The following KIAA1217 variants were observed in gnomAD, a reference collection of about 807,000 sequenced individuals.
KIAA1217 encodes KIAA1217.
In KIAA1217, 88 loss-of-function variants were observed where a neutral mutation model predicts 163.9. That is an observed-to-expected ratio of 0.54 (90% confidence interval 0.45 to 0.64). KIAA1217 has a LOEUF of 0.64. KIAA1217 is among the 30% of genes least tolerant of loss of function. KIAA1217 has a pLI of 0.00. For synonymous variants in KIAA1217, 903 were observed against 923.1 expected (o/e 0.98, Z 0.39); for missense variants, 2,372 against 2,475.0 (o/e 0.96, Z 0.88).
At position 23,824,651 on chromosome 10, in the gene KIAA1217, TAAAAA is replaced by T. The variant is rs1202271522; in HGVS notation, c.-321+129421_-321+129425del. On this transcript the variant is annotated intron_variant, in intron 1 of 18. Transcript: ENST00000376462. Reference sequence around the variant, plus strand: ...CTCAAGAAAAAAAAAAAAAAAAAAATAAAAAAAATATATATATATATATATATATA... The same window carrying T: ...CTCAAGAAAAAAAAAAAAAAAAAAATAAATATATATATATATATATATATA... Among the ~76,000 whole-genome samples, 333 of 72,250 alleles carry T rather than the reference TAAAAA, an allele frequency of 4.6e-3. 1 individual carries two copies. The highest frequency in any genetic ancestry group is 9.8e-3 in the African/African-American group (178 of 18,240). The allele number at this position is 72,250 out of a possible 152,430, so 47.4% of individuals were successfully genotyped here.
chr10:24,246,897 C>T (rs573565881), intron 2 of KIAA1217, among the ~76,000 whole-genome samples: 1 of 152,054 alleles, frequency 6.6e-6, no homozygotes, highest in African/African-American at 2.4e-5. Context: ...ATCTGCAATT[C>T]CAGCTACTTA....
At position 23,824,659 on chromosome 10, in the gene KIAA1217, AT is replaced by A. The variant is rs202079811; in HGVS notation, c.-321+129426del. ...AAAAAAAAAAAAAAAAATAAAAAAA[AT>A]ATATATATATATATATATATATGTA... On this transcript the variant is annotated intron_variant, in intron 1 of 18. Transcript: ENST00000376462. 8.9e-3 allele frequency among the ~76,000 whole-genome samples: 602 copies of A among 67,384 alleles called. 6 individuals are homozygous for A. Among genetic ancestry groups the A allele is most frequent in the East Asian group, 0.015 (47 of 3,176 alleles). The allele number at this position is 67,384 out of a possible 152,430, so 44.2% of individuals were successfully genotyped here. A position where few individuals can be genotyped will look rare whatever the true frequency, so the allele number is the denominator to read the frequency against.
intron 1 of KIAA1217, among the ~76,000 whole-genome samples, chr10:23,861,033 C>T (rs1839927871): frequency 6.6e-6 from 1 of 151,990 alleles, no homozygotes; most frequent in Non-Finnish European, 1.5e-5. Context: ...CCACCTAAGC[C>T]TCCTGAGTAA....
intron 2 of KIAA1217, among the ~76,000 whole-genome samples, chr10:24,088,730 A>G (rs1410228119): frequency 8.1e-6 from 1 of 123,806 alleles, no homozygotes; most frequent in African/African-American, 2.5e-5. Flanking sequence ...AGTCTTTGCT[A>G]TTGTGAATAG....
Position 24,511,172 on chromosome 10 carries a change from A to AAAAAAAAAAAAAAAAG in KIAA1217, c.2002-2086_2002-2085insAAAAAAAAAAAAAAGA, listed in dbSNP as rs1554918365. ...TGTCTCAAAAAAAAAAAAAAAAAAA[A>AAAAAAAAAAAAAAAAG]AGGAGCCTGGCCCCTATGAAGAACT... On this transcript the variant is annotated intron_variant, in intron 9 of 20. Transcript: ENST00000376454. Among the ~76,000 whole-genome samples the AAAAAAAAAAAAAAAAG allele has an allele frequency of 4.5e-4, 52 of 115,678 alleles. 7 individuals carry two copies. The highest frequency in any genetic ancestry group is 1.8e-3 in the African/African-American group (49 of 27,120). 75.9% of individuals were successfully genotyped at this position (115,678 alleles called of 152,430 possible).
At chr10:24,475,227 A>G (rs1355714125) in intron 6 of KIAA1217, among the ~76,000 whole-genome samples, 2 of 152,186 alleles carry the variant, frequency 1.3e-5, no homozygotes, top group Non-Finnish European at 2.9e-5. Flanking sequence ...CTCAAAAGAA[A>G]AAAGAAAAAT....
chr10:23,807,416 T>G (rs961701166), intron 1 of KIAA1217, among the ~76,000 whole-genome samples: 17 of 152,258 alleles, frequency 1.1e-4, no homozygotes, highest in African/African-American at 3.9e-4. Flanking sequence ...GGTTGTGATG[T>G]TACACAGAAT....
At chr10:24,179,627 C>T in intron 2 of KIAA1217, among the ~76,000 whole-genome samples, 1 of 152,078 alleles carries the variant, frequency 6.6e-6, no homozygotes, top group East Asian at 1.9e-4. Flanking sequence ...CTCACTCTGT[C>T]ACCCAGGCTG....
At chr10:24,326,279 C>T (rs941556528) in intron 2 of KIAA1217, among the ~76,000 whole-genome samples, 1 of 151,944 alleles carries the variant, frequency 6.6e-6, no homozygotes, top group Non-Finnish European at 1.5e-5. Context: ...TTATTTCATG[C>T]AAGATGTTGA....
chr10:24,245,731 A>G (rs2073716675), intron 2 of KIAA1217, among the ~76,000 whole-genome samples: 1 of 151,942 alleles, frequency 6.6e-6, no homozygotes, highest in South Asian at 2.1e-4. Context: ...TCCCGGGCTC[A>G]AGCAATCCTC....
intron 2 of KIAA1217, among the ~76,000 whole-genome samples, chr10:24,230,225 T>C (rs1396629990): frequency 6.6e-6 from 1 of 152,208 alleles, no homozygotes; most frequent in Non-Finnish European, 1.5e-5. Flanking sequence ...GAGTATCCTT[T>C]ATCTGAAATG....
chr10:24,214,967 C>T (rs1356899896), intron 1 of KIAA1217, among the ~76,000 whole-genome samples: 1 of 152,236 alleles, frequency 6.6e-6, no homozygotes, highest in Non-Finnish European at 1.5e-5. Context: ...GGCAAAGAAG[C>T]TGGCCTTGGC....
intron 1 of KIAA1217, among the ~76,000 whole-genome samples, chr10:23,868,303 G>C (rs918418942): frequency 2.0e-5 from 3 of 152,034 alleles, no homozygotes; most frequent in Admixed American, 6.6e-5. Flanking sequence ...GCCAGGCCTG[G>C]CATGAAGGAT....
chr10:24,275,524 A>C (rs1009411406), intron 2 of KIAA1217, among the ~76,000 whole-genome samples: 1 of 152,230 alleles, frequency 6.6e-6, no homozygotes, highest in African/African-American at 2.4e-5. Flanking sequence ...TGATGACTGC[A>C]AACATTTGGG....
chr10:24,386,988 T>G (rs1781517238), intron 3 of KIAA1217, among the ~76,000 whole-genome samples: 1 of 152,362 alleles, frequency 6.6e-6, no homozygotes, highest in Non-Finnish European at 1.5e-5. Context: ...TGAAAAGTAA[T>G]ACTGTAAAAA....
intron 2 of KIAA1217, among the ~76,000 whole-genome samples, chr10:24,302,760 T>C (rs2041524676): frequency 6.6e-6 from 1 of 152,072 alleles, no homozygotes; most frequent in Admixed American, 6.6e-5. Flanking sequence ...GAAAGGACAC[T>C]TTGAGCAGAC....
intron 1 of KIAA1217, among the ~76,000 whole-genome samples, chr10:24,209,673 T>C (rs1220948114): frequency 6.6e-6 from 1 of 152,208 alleles, no homozygotes; most frequent in African/African-American, 2.4e-5. Context: ...GGGGATTCCA[T>C]GTGGCAGATG....
chr10:24,058,512 C>T (rs2060607202), intron 2 of KIAA1217, among the ~76,000 whole-genome samples: 1 of 152,032 alleles, frequency 6.6e-6, no homozygotes. Context: ...ATTAAGTCTT[C>T]CTATTTGTTA....
intron 1 of KIAA1217, among the ~76,000 whole-genome samples, chr10:23,891,861 G>A (rs1841431903): frequency 6.6e-6 from 1 of 151,890 alleles, no homozygotes; most frequent in African/African-American, 2.4e-5. Context: ...ATATGCTTCT[G>A]TACTTCATGA....
Sources: gnomAD v4.1 joint callset for allele counts (sites outside exome capture counted in the v4.1 genomes callset) on GRCh38, gnomAD v4.1.1 for gene constraint, MANE v1.5 for transcripts, NCBI Gene and HGNC (gene_info 2026-07-23, HGNC 2026-07-21) for gene names.